The following TGM3 variants were observed in gnomAD, a reference collection of about 807,000 sequenced individuals.
The protein encoded by TGM3 is transglutaminase 3.
Under a neutral mutation model 73.8 loss-of-function variants are expected in TGM3, and 52 were observed. The ratio of observed to expected loss-of-function variants is 0.70; its 90% CI spans 0.56 to 0.89. The LOEUF is 0.89. Ranked by LOEUF, TGM3 falls within the 40% of genes least tolerant of loss-of-function variation. TGM3 has a pLI of 0.00. For synonymous variants in TGM3, 372 were observed against 354.9 expected (o/e 1.05, Z -0.54); for missense variants, 928 against 909.9 (o/e 1.02, Z -0.26).
At chr20:2,333,485 A>G (rs1461977736) in intron 10 of TGM3, among the ~76,000 whole-genome samples, 2 of 152,100 alleles carry the variant, frequency 1.3e-5, no homozygotes, top group South Asian at 2.1e-4. Flanking sequence ...GGCTCAAGCA[A>G]TCCTCCTGCC....
At chr20:2,330,595 A>T (rs995971535) in intron 9 of TGM3, among the ~76,000 whole-genome samples, 2 of 152,234 alleles carry the variant, frequency 1.3e-5, no homozygotes, top group African/African-American at 4.8e-5. Context: ...GGTCTGGACA[A>T]GTTGTGTCTC....
Position 2,310,171 on chromosome 20 carries a change from T to C in TGM3, c.182-7T>C. ...TTGGTTTTCTCAACCTCTGTCTTCT[T>C]TGACAGGGCCTTACCCCTCAGAGTC... On this transcript the variant is annotated splice_polypyrimidine_tract_variant and splice_region_variant and intron_variant, in intron 2 of 12. Coordinates refer to ENST00000381458, the MANE Select transcript of TGM3 (RefSeq NM_003245.4). The C allele has an allele frequency of 6.2e-7, 1 of 1,613,982 alleles. No homozygotes were observed. The highest frequency in any genetic ancestry group is 8.5e-7 in the Non-Finnish European group (1 of 1,179,910).
chr20:2,297,895 G>A (rs6082659), intron 1 of TGM3, among the ~76,000 whole-genome samples: 17,203 of 152,152 alleles, frequency 0.11, 1,090 homozygotes, highest in Middle Eastern at 0.26. Context: ...TGGTACCACC[G>A]GTTTTTTAGG....
chr20:2,303,980 A>T (rs2084164972), intron 1 of TGM3, among the ~76,000 whole-genome samples: 1 of 152,190 alleles, frequency 6.6e-6, no homozygotes, highest in Admixed American at 6.5e-5. Context: ...TTTCCCGCTG[A>T]TGTCTTTTAA....
chr20:2,329,311 A>C (rs2084306850), intron 9 of TGM3, among the ~76,000 whole-genome samples: 1 of 152,330 alleles, frequency 6.6e-6, no homozygotes, highest in Middle Eastern at 3.4e-3. Context: ...GTTTACAAAA[A>C]AGGAAAGCTG....
At chr20:2,296,879 A>G (rs1369990739) in intron 1 of TGM3, among the ~76,000 whole-genome samples, 1 of 152,186 alleles carries the variant, frequency 6.6e-6, no homozygotes, top group Non-Finnish European at 1.5e-5. Context: ...TCCAAACAAG[A>G]TATGAGTCAA....
Position 2,335,290 on chromosome 20 carries a change from T to A in TGM3, c.1800+17T>A, listed in dbSNP as rs1236392883. The A allele has an allele frequency of 6.2e-7, 1 of 1,613,312 alleles. No homozygotes were observed. The highest frequency in any genetic ancestry group is 2.2e-5 in the East Asian group (1 of 44,860). Reference sequence around the variant, plus strand: ...ACCCTGGAGGTAATGGGGCTCCCCATCCTGTGGGAAGGGGTTCTGCCCCCA... The same window carrying A: ...ACCCTGGAGGTAATGGGGCTCCCCAACCTGTGGGAAGGGGTTCTGCCCCCA... On this transcript the variant is annotated intron_variant, in intron 11 of 12. Coordinates refer to ENST00000381458, the MANE Select transcript of TGM3 (RefSeq NM_003245.4).
chr20:2,318,586 C>A (rs536546323), intron 7 of TGM3, among the ~76,000 whole-genome samples: 1 of 152,286 alleles, frequency 6.6e-6, no homozygotes, highest in Non-Finnish European at 1.5e-5. Flanking sequence ...TGTAGATACA[C>A]AGAGATATCT....
At chr20:2,304,686 G>T (rs1442220837) in intron 1 of TGM3, among the ~76,000 whole-genome samples, 1 of 152,152 alleles carries the variant, frequency 6.6e-6, no homozygotes, top group African/African-American at 2.4e-5. Context: ...ACCGCCAAAT[G>T]TGTGGGGTTT....
At chr20:2,300,129 G>GAAGA (rs2084135377) in intron 1 of TGM3, among the ~76,000 whole-genome samples, 1 of 143,214 alleles carries the variant, frequency 7.0e-6, no homozygotes, top group African/African-American at 2.6e-5. Context: ...AGAAAGAAAG[G>GAAGA]AAGAAAGAAA....
intron 9 of TGM3, among the ~76,000 whole-genome samples, chr20:2,329,019 C>T (rs45611240): frequency 0.02 from 2,998 of 152,354 alleles, 29 homozygotes; most frequent in Non-Finnish European, 0.031. Flanking sequence ...AGCAGCGCAT[C>T]TCTTGGAGCA....
chr20:2,338,865 T>C (rs1171710160), intron 11 of TGM3, among the ~76,000 whole-genome samples: 3 of 152,266 alleles, frequency 2.0e-5, no homozygotes, highest in Admixed American at 1.3e-4. Flanking sequence ...ATGATTGTCC[T>C]TCTTTACCAG....
intron 8 of TGM3, 143 bp downstream of exon 8, chr20:2,326,095 TC>T: frequency 1.2e-6 from 1 of 823,194 alleles, no homozygotes; most frequent in Non-Finnish European, 1.9e-6. Context: ...AAAATAGATC[TC>T]CCCTGCTAAT....
At chr20:2,302,674 G>T (rs144008297) in intron 1 of TGM3, among the ~76,000 whole-genome samples, 2 of 126,170 alleles carry the variant, frequency 1.6e-5, no homozygotes, top group East Asian at 5.3e-4. Flanking sequence ...AAGAAAACAG[G>T]CAAAGGGCAT....
At position 2,340,889 on chromosome 20, in the gene TGM3, G is replaced by T. The variant is rs1335253305; in HGVS notation, c.*308G>T. 2 of 521,812 alleles carry T rather than the reference G, an allele frequency of 3.8e-6. No individual in the cohort carries two copies. Among genetic ancestry groups the T allele is most frequent in the Non-Finnish European group, 7.4e-6 (2 of 270,228 alleles). 32.3% of individuals were successfully genotyped at this position (521,812 alleles called of 1,614,324 possible). On this transcript the variant is annotated 3_prime_UTR_variant, in exon 13 of 13. Transcript: ENST00000381458. ...CCCTTCAATGCTGCAGGATGGACTG[G>T]CCCCTGACCCAGGGACTCTCCAAAC...
At chr20:2,333,074 A>G (rs1198428143) in intron 10 of TGM3, among the ~76,000 whole-genome samples, 2 of 152,238 alleles carry the variant, frequency 1.3e-5, no homozygotes, top group Non-Finnish European at 2.9e-5. Context: ...ATTAGAATGC[A>G]GGTGTGCCCA....
Position 2,325,912 on chromosome 20 carries a change from A to G in TGM3, c.1047A>G (p.Gly349=). Residue 349 remains glycine, a synonymous_variant, in exon 8 of 13, where the codon GGA becomes GGG. Transcript: ENST00000381458. ...VRSDLGPSYG[G]WQVLDATPQE... ...CTGACCTGGGCCCCTCGTACGGTGG[A>G]TGGCAGGTGTTGGATGCTACCCCGC... 1 of 1,595,042 alleles carries G rather than the reference A, an allele frequency of 6.3e-7. No individual in the cohort carries two copies. The highest frequency in any genetic ancestry group is 8.5e-7 in the Non-Finnish European group (1 of 1,169,726).
Position 2,296,073 on chromosome 20 carries a change from G to A in TGM3, c.7+3G>A, listed in dbSNP as rs188712922. ...CAGAGGAAGGCGAAACATGGCTGGT[G>A]AGTGCATGGCATCTTCTCCATCAGG... On this transcript the variant is annotated splice_donor_region_variant and intron_variant, in intron 1 of 12. Coordinates refer to ENST00000381458, the MANE Select transcript of TGM3 (RefSeq NM_003245.4). 27 of 1,550,874 alleles carry A rather than the reference G, an allele frequency of 1.7e-5. No homozygotes were observed. The East Asian group carries it at 5.9e-4, about 34-fold the overall frequency.
intron 11 of TGM3, among the ~76,000 whole-genome samples, chr20:2,335,543 T>C (rs1297595835): frequency 6.6e-6 from 1 of 152,220 alleles, no homozygotes; most frequent in Non-Finnish European, 1.5e-5. Context: ...TCAGAACCAC[T>C]GGGGGCATCA....
Sources: gnomAD v4.1 joint callset for allele counts (sites outside exome capture counted in the v4.1 genomes callset) on GRCh38, gnomAD v4.1.1 for gene constraint, MANE v1.5 for transcripts, NCBI Gene and HGNC (gene_info 2026-07-23, HGNC 2026-07-21) for gene names.